The following GAS2 variants were observed in gnomAD, a reference collection of about 807,000 sequenced individuals.
GAS2 encodes the protein growth arrest specific 2.
In GAS2, 20 loss-of-function variants were observed where a neutral mutation model predicts 37.5. The ratio of observed to expected loss-of-function variants is 0.53; its 90% CI spans 0.37 to 0.77. The LOEUF (loss-of-function observed/expected upper bound fraction) is 0.77. Ranked by LOEUF, GAS2 falls within the 30% of genes least tolerant of loss-of-function variation. The pLI is 0.00. For missense variants in GAS2, 336 were observed against 373.4 expected, an observed-to-expected ratio of 0.90 and a Z score of 0.82; for synonymous variants, 144 against 132.2, an observed-to-expected ratio of 1.09 and a Z score of -0.61.
intron 1 of GAS2, among the ~76,000 whole-genome samples, chr11:22,650,674 G>A (rs980809091): frequency 5.9e-5 from 9 of 151,784 alleles, no homozygotes; most frequent in Non-Finnish European, 1.3e-4. Flanking sequence ...ATTATGTAAT[G>A]GCCTTCTTTG....
In GAS2 at chr11:22,746,398, A is replaced by G. The variant is rs903604503; in HGVS notation, c.474-2722A>G. 3.9e-5 allele frequency among the ~76,000 whole-genome samples: 6 copies of G among 152,308 alleles called. No individual in the cohort carries two copies. In the South Asian group the frequency reaches 1.2e-3, roughly 32 times the overall value. On this transcript the variant is annotated intron_variant, in intron 5 of 7. Coordinates refer to ENST00000454584, the MANE Select transcript of GAS2 (RefSeq NM_001143830.3). The stretch of plus-strand genomic sequence containing the variant: ...GAAAATAAATCATTCTACCAAAAAG[A>G]CACAGGCACTCATGTGTTCATAGCA...
chr11:22,766,140 T>A (rs72989183), intron 7 of GAS2, among the ~76,000 whole-genome samples: 430 of 152,248 alleles, frequency 2.8e-3, no homozygotes, highest in Middle Eastern at 6.8e-3. Flanking sequence ...CATTTCAACA[T>A]GAGACATGGG....
intron 1 of GAS2, among the ~76,000 whole-genome samples, chr11:22,673,950 A>G (rs1310326417): frequency 6.6e-6 from 1 of 152,240 alleles, no homozygotes; most frequent in Non-Finnish European, 1.5e-5. Context: ...AAAACAAATA[A>G]AGTGGAAAGA....
intron 3 of GAS2, among the ~76,000 whole-genome samples, chr11:22,720,980 G>A (rs1215005102): frequency 6.6e-6 from 1 of 151,968 alleles, no homozygotes; most frequent in Admixed American, 6.6e-5. Context: ...TACCTTCAAG[G>A]CATTGGTGGG....
At position 22,638,706 on chromosome 11, in the gene GAS2, AAAC is replaced by A. The variant is rs563216827; in HGVS notation, c.-21+12896_-21+12898del. On this transcript the variant is annotated intron_variant, in intron 1 of 5. Transcript: ENST00000528582. Reference sequence around the variant, plus strand: ...CACTATGCAACTGATGGACCAATGAAAACAAGTTATTCTGATGTTTTATTTTTA... The same window carrying A: ...CACTATGCAACTGATGGACCAATGAAAAGTTATTCTGATGTTTTATTTTTA... 1.2e-4 allele frequency among the ~76,000 whole-genome samples: 19 copies of A among 152,276 alleles called. No homozygotes were observed. In the South Asian group the frequency reaches 3.5e-3, roughly 28 times the overall value.
chr11:22,737,628 G>C, intron 4 of GAS2, 77 bp from the exon 5 acceptor site: 12 of 1,330,488 alleles, frequency 9.0e-6, no homozygotes, highest in Non-Finnish European at 1.3e-5. Context: ...GAGGAATGAG[G>C]GTCATTGGCA....
chr11:22,768,993 G>C (rs969546827), intron 7 of GAS2, among the ~76,000 whole-genome samples: 1 of 152,106 alleles, frequency 6.6e-6, no homozygotes. Context: ...CTCAGTCCTG[G>C]ACTCTATTTT....
chr11:22,685,885 A>T lies in GAS2; in HGVS notation c.267+96A>T, dbSNP rs112022713. ...TAATTAAAAAATTTATTGTGAACGG[A>T]TGCATCAAGGTCTATACTAACAACA... On this transcript the variant is annotated intron_variant, in intron 3 of 7. Coordinates refer to ENST00000454584, the MANE Select transcript of GAS2 (RefSeq NM_001143830.3). The T allele has an allele frequency of 2.5e-6, 3 of 1,224,342 alleles. No homozygotes were observed. The African/African-American group carries it at 4.6e-5, about 19-fold the overall frequency. The allele number at this position is 1,224,342 out of a possible 1,614,324, so 75.8% of individuals were successfully genotyped here.
chr11:22,721,768 G>A (rs1255931918), intron 3 of GAS2, among the ~76,000 whole-genome samples: 2 of 151,950 alleles, frequency 1.3e-5, no homozygotes, highest in Non-Finnish European at 2.9e-5. Context: ...CTATTCAGAA[G>A]CTAAGGTTCA....
At chr11:22,772,560 G>A (rs999869958) in intron 7 of GAS2, among the ~76,000 whole-genome samples, 5 of 151,996 alleles carry the variant, frequency 3.3e-5, no homozygotes, top group Non-Finnish European at 7.4e-5. Context: ...TTTAAAAATC[G>A]CTGAAGTTAG....
chr11:22,655,247 G>A (rs971078702), intron 1 of GAS2, among the ~76,000 whole-genome samples: 7 of 152,156 alleles, frequency 4.6e-5, no homozygotes, highest in Non-Finnish European at 8.8e-5. Context: ...TAACTTGCCT[G>A]TCTTTGCTCT....
intron 1 of GAS2, among the ~76,000 whole-genome samples, chr11:22,633,595 A>G (rs1858775893): frequency 6.6e-6 from 1 of 152,206 alleles, no homozygotes; most frequent in Admixed American, 6.5e-5. Context: ...CTGCAGCTAA[A>G]GCAGGTGTGG....
chr11:22,767,497 G>C (rs1186978131), intron 7 of GAS2, among the ~76,000 whole-genome samples: 1 of 151,908 alleles, frequency 6.6e-6, no homozygotes, highest in African/African-American at 2.4e-5. Flanking sequence ...ACTTTCTGTA[G>C]ACATCCTGAC....
chr11:22,759,596 A>C lies in GAS2; in HGVS notation c.723+3643A>C, dbSNP rs527581044. Among the ~76,000 whole-genome samples the C allele has an allele frequency of 5.1e-4, 78 of 152,332 alleles. 1 individual carries two copies. In the South Asian group the frequency reaches 0.014, roughly 28 times the overall value. On this transcript the variant is annotated intron_variant, in intron 7 of 7. Coordinates refer to ENST00000454584, the MANE Select transcript of GAS2 (RefSeq NM_001143830.3). Reference sequence around the variant, plus strand: ...CAGCTAATTTTTATCTATATTGTGCAGATGCAAATGTACTCTCCTCCAAGA... The same window carrying C: ...CAGCTAATTTTTATCTATATTGTGCCGATGCAAATGTACTCTCCTCCAAGA...
intron 3 of GAS2, among the ~76,000 whole-genome samples, chr11:22,697,972 C>CA (rs200097865): frequency 0.01 from 1,554 of 152,218 alleles, 31 homozygotes; most frequent in African/African-American, 0.035. Flanking sequence ...CCAGAACTTC[C>CA]AACACTGTGT....
intron 1 of GAS2, among the ~76,000 whole-genome samples, chr11:22,673,250 A>G (rs997364155): frequency 6.6e-6 from 1 of 152,202 alleles, no homozygotes; most frequent in Non-Finnish European, 1.5e-5. Flanking sequence ...GTTCTTCAAA[A>G]GCAATATTTA....
intron 1 of GAS2, among the ~76,000 whole-genome samples, chr11:22,647,381 A>T (rs1383788717): frequency 6.6e-6 from 1 of 152,154 alleles, no homozygotes; most frequent in East Asian, 1.9e-4. Context: ...CGCAATAAAC[A>T]TACGTGTGCA....
chr11:22,642,576 T>TG (rs1222468011), intron 1 of GAS2, among the ~76,000 whole-genome samples: 1 of 152,158 alleles, frequency 6.6e-6, no homozygotes, highest in Non-Finnish European at 1.5e-5. Flanking sequence ...ATGTAATAGA[T>TG]AATTAGTGGA....
chr11:22,724,711 A>G (rs1367707413), intron 3 of GAS2, among the ~76,000 whole-genome samples: 1 of 152,116 alleles, frequency 6.6e-6, no homozygotes, highest in Non-Finnish European at 1.5e-5. Flanking sequence ...GCATTTATGC[A>G]GAAACTTTGA....
Sources: allele counts gnomAD v4.1 joint callset (sites outside exome capture counted in the v4.1 genomes callset), GRCh38; gene constraint gnomAD v4.1.1; transcripts MANE v1.5; gene names NCBI Gene and HGNC (gene_info 2026-07-23, HGNC 2026-07-21).